Variants in KLHL20 observed in about 807,000 individuals in gnomAD.
The protein encoded by KLHL20 is kelch-like protein 20.
Under a neutral mutation model 69.5 loss-of-function variants are expected in KLHL20, and 29 were observed. That is an observed-to-expected ratio of 0.42 (90% CI 0.31 to 0.57). KLHL20 has a LOEUF of 0.57. Ranked by LOEUF, KLHL20 falls within the 20% of genes least tolerant of loss-of-function variation. The probability of loss-of-function intolerance (pLI) is 0.18; values close to 1 mark genes in which losing one functional copy is unlikely to be tolerated. For missense variants in KLHL20, 419 were observed against 776.0 expected (o/e 0.54, Z 5.47); for synonymous variants, 253 against 265.2 (o/e 0.95, Z 0.45).
intron 7 of KLHL20, among the ~76,000 whole-genome samples, chr1:173,763,798 T>C (rs1647486857): frequency 6.6e-6 from 1 of 150,424 alleles, no homozygotes; most frequent in African/African-American, 2.5e-5. Flanking sequence ...AAGATAACAT[T>C]GGAAAAACCC....
At chr1:173,755,346 C>T (rs930634176) in intron 5 of KLHL20, among the ~76,000 whole-genome samples, 9 of 152,178 alleles carry the variant, frequency 5.9e-5, no homozygotes, top group African/African-American at 2.2e-4. Context: ...GCGTGAGCCA[C>T]TGCAAAGTCA....
intron 8 of KLHL20, 46 bp downstream of exon 8, chr1:173,766,335 C>G (rs748989649): frequency 6.6e-7 from 1 of 1,505,572 alleles, no homozygotes; most frequent in Non-Finnish European, 8.9e-7. Flanking sequence ...TTTTAAAGAA[C>G]ATAGAGCTCT....
At chr1:173,779,044 A>G (rs191537684) in intron 10 of KLHL20, among the ~76,000 whole-genome samples, 2 of 151,384 alleles carry the variant, frequency 1.3e-5, no homozygotes, top group Non-Finnish European at 2.9e-5. Flanking sequence ...TGTTATTTGA[A>G]GTTTTTGTAC....
At chr1:173,780,118 A>C (rs1222867595) in intron 10 of KLHL20, among the ~76,000 whole-genome samples, 1 of 152,214 alleles carries the variant, frequency 6.6e-6, no homozygotes, top group African/African-American at 2.4e-5. Flanking sequence ...AAATCAAGGA[A>C]CACCACTGGA....
chr1:173,765,331 G>A (rs1289464298), intron 7 of KLHL20, among the ~76,000 whole-genome samples: 3 of 152,030 alleles, frequency 2.0e-5, no homozygotes, highest in African/African-American at 7.2e-5. Flanking sequence ...GTGAAACCCC[G>A]TCTCTACTAA....
At position 173,734,090 on chromosome 1, in the gene KLHL20, A is replaced by G; in HGVS notation, c.401A>G (p.Glu134Gly). Residue 134 changes from glutamate to glycine, a missense_variant, in exon 3 of 12, where the codon GAA (glutamate) becomes GGA (glycine). Glu to Gly is a moderately conservative substitution (Grantham distance 98). Coordinates refer to ENST00000209884, the MANE Select transcript of KLHL20 (RefSeq NM_014458.4). ...DFAYTSQITV[E>G]EGNVQTLLPA... is the part of the protein sequence containing the mutation. ...GCGTATACCTCCCAGATAACAGTAGAAGAGGGCAATGTTCAGACTCTTCTG... is the reference window on the plus strand; with the variant it reads ...GCGTATACCTCCCAGATAACAGTAGGAGAGGGCAATGTTCAGACTCTTCTG... The G allele has an allele frequency of 6.2e-7, 1 of 1,614,210 alleles. No individual in the cohort carries two copies. The highest frequency in any genetic ancestry group is 8.5e-7 in the Non-Finnish European group (1 of 1,180,034).
chr1:173,726,634 A>G (rs1018769070), intron 2 of KLHL20, among the ~76,000 whole-genome samples: 8 of 152,210 alleles, frequency 5.3e-5, no homozygotes, highest in African/African-American at 1.9e-4. Context: ...TACCCTGGCA[A>G]ACAGCCTCTG....
At chr1:173,750,903 C>A (rs1021379728) in intron 3 of KLHL20, among the ~76,000 whole-genome samples, 3 of 152,118 alleles carry the variant, frequency 2.0e-5, no homozygotes, top group Non-Finnish European at 4.4e-5. Flanking sequence ...ATTTTTATGA[C>A]CTATTGCATA....
intron 2 of KLHL20, among the ~76,000 whole-genome samples, chr1:173,728,193 C>G (rs567888078): frequency 6.6e-6 from 1 of 152,180 alleles, no homozygotes; most frequent in African/African-American, 2.4e-5. Flanking sequence ...GAAGAGCTAA[C>G]TATCCTAAAT....
At chr1:173,723,120 A>G (rs2102455345) in intron 2 of KLHL20, among the ~76,000 whole-genome samples, 1 of 152,360 alleles carries the variant, frequency 6.6e-6, no homozygotes, top group South Asian at 2.1e-4. Context: ...GGTTGTGACA[A>G]TAACACTTTA....
intron 4 of KLHL20, among the ~76,000 whole-genome samples, chr1:173,752,877 A>G (rs946539109): frequency 3.3e-5 from 5 of 152,080 alleles, no homozygotes; most frequent in Non-Finnish European, 7.4e-5. Context: ...TGCCTTTAAT[A>G]GTGTTTATTG....
At chr1:173,735,379 G>A (rs968672682) in intron 3 of KLHL20, among the ~76,000 whole-genome samples, 6 of 151,706 alleles carry the variant, frequency 4.0e-5, no homozygotes, top group African/African-American at 1.5e-4. Context: ...CCAGGAGGTA[G>A]AGGTTGCAGT....
intron 8 of KLHL20, among the ~76,000 whole-genome samples, chr1:173,767,396 A>G (rs1647800639): frequency 6.6e-6 from 1 of 152,132 alleles, no homozygotes; most frequent in Admixed American, 6.6e-5. Context: ...TCCATTGAAT[A>G]TATACTTAGT....
chr1:173,745,628 T>C (rs1447283512), intron 3 of KLHL20, among the ~76,000 whole-genome samples: 1 of 152,238 alleles, frequency 6.6e-6, no homozygotes, highest in Non-Finnish European at 1.5e-5. Flanking sequence ...TTTAGAGTTT[T>C]TTTGGAATCC....
intron 2 of KLHL20, among the ~76,000 whole-genome samples, chr1:173,725,791 C>G (rs1355098282): frequency 6.6e-6 from 1 of 152,214 alleles, no homozygotes; most frequent in African/African-American, 2.4e-5. Context: ...CGAATAGGAA[C>G]AGCTCCAGTC....
At chr1:173,730,129 A>G (rs1430147504) in intron 2 of KLHL20, among the ~76,000 whole-genome samples, 1 of 152,196 alleles carries the variant, frequency 6.6e-6, no homozygotes, top group African/African-American at 2.4e-5. Context: ...ATTGCTACAA[A>G]GAGAATAAAA....
At chr1:173,760,488 A>C (rs1175023652) in intron 7 of KLHL20, among the ~76,000 whole-genome samples, 1 of 152,178 alleles carries the variant, frequency 6.6e-6, no homozygotes, top group East Asian at 1.9e-4. Flanking sequence ...GTAACTTATA[A>C]AGGAAAACCT....
intron 3 of KLHL20, among the ~76,000 whole-genome samples, chr1:173,748,599 A>G (rs1673171344): frequency 6.6e-6 from 1 of 152,154 alleles, no homozygotes; most frequent in Admixed American, 6.6e-5. Flanking sequence ...CTTTCCAAAA[A>G]TAAAGATTTG....
At chr1:173,768,044 G>A (rs1045059996) in intron 8 of KLHL20, among the ~76,000 whole-genome samples, 3 of 152,106 alleles carry the variant, frequency 2.0e-5, no homozygotes, top group Non-Finnish European at 2.9e-5. Flanking sequence ...TGTGAAATCT[G>A]TTCTGATTTT....
Sources: gnomAD v4.1 joint callset for allele counts (sites outside exome capture counted in the v4.1 genomes callset) on GRCh38, gnomAD v4.1.1 for gene constraint, MANE v1.5 for transcripts, NCBI Gene and HGNC (gene_info 2026-07-23, HGNC 2026-07-21) for gene names.